The following OIT3 variants were observed in gnomAD, a reference collection of about 807,000 sequenced individuals.
The protein encoded by OIT3 is oncoprotein induced transcript 3, also known as oncoprotein-induced transcript 3 protein.
OIT3 carries 41 observed loss-of-function variants against 52.2 expected under a neutral mutation model. The observed-to-expected ratio is 0.79, with a 90% confidence interval of 0.61 to 1.02. OIT3 has a LOEUF of 1.02. OIT3 is among the 50% of genes least tolerant of loss of function. OIT3 has a pLI of 0.00. For synonymous variants in OIT3, 244 were observed against 276.9 expected (o/e 0.88, Z 1.18); for missense variants, 634 against 715.5 (o/e 0.89, Z 1.30).
intron 6 of OIT3, chr10:72,918,606 C>T (rs1045067199): frequency 5.0e-5 from 37 of 747,142 alleles, no homozygotes; most frequent in Non-Finnish European, 6.9e-5. Context: ...AGAGAACAGC[C>T]GCACAGGACA....
Position 72,930,564 on chromosome 10 carries a change from A to G in OIT3, c.1394A>G (p.Gln465Arg). Residue 465 changes from glutamine to arginine, a missense_variant, in exon 8 of 9, where the codon CAG becomes CGG. Coordinates refer to ENST00000334011, the MANE Select transcript of OIT3 (RefSeq NM_152635.3). Reference protein sequence around the residue: ...DGCVSDDSVKQYTSRDHLAKH... With the variant: ...DGCVSDDSVKRYTSRDHLAKH... The stretch of plus-strand genomic sequence containing the variant: ...TGTGTTTCAGATGACTCGGTAAAGC[A>G]GTACACATCCCGGGATCACCTAGCA... The G allele has an allele frequency of 6.2e-7, 1 of 1,613,730 alleles. No individual in the cohort carries two copies. Among genetic ancestry groups the G allele is most frequent in the Non-Finnish European group, 8.5e-7 (1 of 1,179,714 alleles).
intron 2 of OIT3, among the ~76,000 whole-genome samples, chr10:72,899,260 C>T (rs1211421520): frequency 2.0e-5 from 3 of 152,158 alleles, no homozygotes; most frequent in Non-Finnish European, 4.4e-5. Flanking sequence ...TTGATCAGTT[C>T]TTTTTAATTT....
chr10:72,905,535 AG>A (rs1845971420), intron 3 of OIT3, among the ~76,000 whole-genome samples: 1 of 152,176 alleles, frequency 6.6e-6, no homozygotes. Context: ...ACCTGGTTTG[AG>A]GAAGTTTTAC....
At chr10:72,904,310 C>G (rs1845960063) in intron 3 of OIT3, among the ~76,000 whole-genome samples, 1 of 152,164 alleles carries the variant, frequency 6.6e-6, no homozygotes, top group Admixed American at 6.5e-5. Context: ...GAATAAAGCC[C>G]TTCCTTCTTT....
chr10:72,919,510 A>C (rs1168835099), intron 6 of OIT3, among the ~76,000 whole-genome samples: 1 of 152,122 alleles, frequency 6.6e-6, no homozygotes, highest in Admixed American at 6.5e-5. Flanking sequence ...GAGAGAGTGC[A>C]TCTTTGTCTT....
At chr10:72,912,811 GTT>G (rs1243007666) in intron 5 of OIT3, among the ~76,000 whole-genome samples, 2 of 152,122 alleles carry the variant, frequency 1.3e-5, no homozygotes, top group African/African-American at 4.8e-5. Flanking sequence ...TATAGTCAGA[GTT>G]TATGGTTTCC....
chr10:72,900,202 GTGC>G (rs1470753062), intron 2 of OIT3, among the ~76,000 whole-genome samples, 172 bp from the exon 3 acceptor site: 1 of 152,150 alleles, frequency 6.6e-6, no homozygotes, highest in Non-Finnish European at 1.5e-5. Flanking sequence ...TATGCCTGTA[GTGC>G]CAGCTACTTG....
In OIT3 at chr10:72,898,692, C is replaced by G. The variant is rs1257473304; in HGVS notation, c.90C>G (p.Ser30Arg). ...VALDPCSAYISLNEPWRNTDH... is the reference protein window; with the variant it reads ...VALDPCSAYIRLNEPWRNTDH... The stretch of plus-strand genomic sequence containing the variant: ...TAGATCCTTGTTCTGCTTACATCAG[C>G]CTGAATGAGCCCTGGAGGAACACTG... Residue 30 changes from serine (S) to arginine (R), a missense_variant, in exon 2 of 9, where the codon AGC becomes AGG. By Grantham distance (110) the Ser-to-Arg change is moderately radical. Coordinates refer to ENST00000334011, the MANE Select transcript of OIT3 (RefSeq NM_152635.3). 1.2e-6 allele frequency: 2 copies of G among 1,613,374 alleles called. No homozygotes were observed. The highest frequency in any genetic ancestry group is 2.2e-5 in the East Asian group (1 of 44,830).
intron 7 of OIT3, among the ~76,000 whole-genome samples, chr10:72,925,278 C>A (rs979417474): frequency 6.6e-5 from 10 of 152,054 alleles, no homozygotes; most frequent in Non-Finnish European, 1.5e-4. Flanking sequence ...TTTTTAGATA[C>A]CTGCAGGATG....
At chr10:72,899,783 T>C (rs1301511830) in intron 2 of OIT3, among the ~76,000 whole-genome samples, 1 of 152,030 alleles carries the variant, frequency 6.6e-6, no homozygotes, top group East Asian at 1.9e-4. Flanking sequence ...CAGACATCCA[T>C]GTGATTGGAT....
At chr10:72,928,973 G>A (rs557779947) in intron 7 of OIT3, among the ~76,000 whole-genome samples, 1 of 152,096 alleles carries the variant, frequency 6.6e-6, no homozygotes, top group Non-Finnish European at 1.5e-5. Context: ...TTGGGAGGCC[G>A]AGGCGGAAGG....
At chr10:72,929,344 A>C (rs940043290) in intron 7 of OIT3, among the ~76,000 whole-genome samples, 1 of 151,980 alleles carries the variant, frequency 6.6e-6, no homozygotes, top group Admixed American at 6.5e-5. Flanking sequence ...TACCCACTAA[A>C]AGGCAACTAT....
chr10:72,932,408 C>T lies in OIT3; in HGVS notation c.1522C>T (p.Arg508Cys), dbSNP rs757102862. The change falls in exon 9 of 9, where the codon CGC becomes TGC. Residue 508 changes from arginine (R) to cysteine (C), a missense_variant. Arg to Cys is a radical substitution (Grantham distance 180, BLOSUM62 -3). Transcript: ENST00000334011. ...CTGTGGAGTGTTGGACGAGCGTTCC[C>T]GCTGTGCCCAGGGTTGCCACCGGCG... ...LVCGVLDERS[R>C]CAQGCHRRMR... 9.9e-6 allele frequency: 16 copies of T among 1,614,058 alleles called. No individual in the cohort carries two copies. Among genetic ancestry groups the T allele is most frequent in the East Asian group, 2.2e-5 (1 of 44,888 alleles).
At chr10:72,930,995 G>A (rs1432631407) in intron 8 of OIT3, among the ~76,000 whole-genome samples, 1 of 152,110 alleles carries the variant, frequency 6.6e-6, no homozygotes, top group African/African-American at 2.4e-5. Flanking sequence ...TCACAGAAAA[G>A]ACAAATAGTG....
intron 6 of OIT3, among the ~76,000 whole-genome samples, chr10:72,919,371 A>G (rs967762272): frequency 1.3e-5 from 2 of 152,126 alleles, no homozygotes; most frequent in Admixed American, 6.6e-5. Flanking sequence ...GGTTTTCTAG[A>G]TATGGAATCT....
chr10:72,924,616 G>A lies in OIT3; in HGVS notation c.1339G>A (p.Val447Ile), dbSNP rs139078371. The A allele has an allele frequency of 1.2e-6, 2 of 1,612,802 alleles. No individual in the cohort carries two copies. The highest frequency in any genetic ancestry group is 2.7e-5 in the African/African-American group (2 of 74,892). The change falls in exon 7 of 9, where the codon GTC becomes ATC. Residue 447 changes from valine (V) to isoleucine (I), a missense_variant. Transcript: ENST00000334011. ...CACCCCCACCTCCAAGATCGACGAG[G>A]TCCTGAAATACTACCTCATCCGGGA... Reference protein sequence around the residue: ...FATPTSKIDEVLKYYLIRDGC... With the variant: ...FATPTSKIDEILKYYLIRDGC...
At chr10:72,932,299 C>A (rs1846223046) in intron 8 of OIT3, 55 bp from the exon 9 acceptor site, 1 of 1,489,592 alleles carries the variant, frequency 6.7e-7, no homozygotes, top group Non-Finnish European at 9.4e-7. Flanking sequence ...CTTGTAAGTG[C>A]CCCACAAGTG....
chr10:72,918,807 G>A (rs1002433167), intron 6 of OIT3, among the ~76,000 whole-genome samples: 1 of 152,092 alleles, frequency 6.6e-6, no homozygotes, highest in Admixed American at 6.5e-5. Flanking sequence ...TTATTTCTGG[G>A]TTCTCTTTTC....
chr10:72,915,992 T>C (rs561057918), intron 6 of OIT3, among the ~76,000 whole-genome samples: 4 of 152,162 alleles, frequency 2.6e-5, no homozygotes, highest in African/African-American at 9.6e-5. Flanking sequence ...AGGGGCTTCA[T>C]AGAAGAGATG....
Sources: gnomAD v4.1 joint callset for allele counts (sites outside exome capture counted in the v4.1 genomes callset) on GRCh38, gnomAD v4.1.1 for gene constraint, MANE v1.5 for transcripts, NCBI Gene and HGNC (gene_info 2026-07-23, HGNC 2026-07-21) for gene names.